Variants in LOC400499 observed in about 807,000 individuals in gnomAD.
chr16:11,504,807 C>A, the LOC400499 span, among the ~76,000 whole-genome samples: 1 of 152,070 alleles, frequency 6.6e-6, no homozygotes, highest in African/African-American at 2.4e-5. Context: ...CCTGTAATTC[C>A]AGCTATTCAA....
the LOC400499 span, among the ~76,000 whole-genome samples, chr16:11,510,091 C>T: frequency 1.3e-5 from 2 of 151,628 alleles, no homozygotes; most frequent in Admixed American, 1.3e-4. Context: ...GCAGAAACTG[C>T]CCTCTGCTCT....
chr16:11,466,905 C>T, the LOC400499 span, among the ~76,000 whole-genome samples: 6 of 150,094 alleles, frequency 4.0e-5, no homozygotes, highest in African/African-American at 1.2e-4. Flanking sequence ...CCAAGGTGTA[C>T]GTACGTATAT....
At chr16:11,490,421 C>A in the LOC400499 span, among the ~76,000 whole-genome samples, 3 of 146,870 alleles carry the variant, frequency 2.0e-5, no homozygotes, top group South Asian at 2.1e-4. Flanking sequence ...AAAAAAAGTC[C>A]GGGCGCAGTG....
At chr16:11,521,297 G>C in the LOC400499 span, among the ~76,000 whole-genome samples, 6 of 152,200 alleles carry the variant, frequency 3.9e-5, no homozygotes, top group African/African-American at 1.4e-4. Context: ...GGTTGAGAGG[G>C]TTTATCCAGG....
chr16:11,492,446 G>C, the LOC400499 span, among the ~76,000 whole-genome samples: 1 of 152,084 alleles, frequency 6.6e-6, no homozygotes, highest in African/African-American at 2.4e-5. Flanking sequence ...TGGTATCCTA[G>C]TGCAGGGAGA....
At chr16:11,470,370 C>T in the LOC400499 span, among the ~76,000 whole-genome samples, 1 of 152,180 alleles carries the variant, frequency 6.6e-6, no homozygotes, top group Non-Finnish European at 1.5e-5. Context: ...GCGAGTACCT[C>T]GTGCTCTGGG....
At chr16:11,384,679 A>AG in the LOC400499 span, among the ~76,000 whole-genome samples, 7 of 152,286 alleles carry the variant, frequency 4.6e-5, no homozygotes, top group Non-Finnish European at 8.8e-5. Flanking sequence ...TGGGACAGAA[A>AG]GCCCTGGGCC....
the LOC400499 span, chr16:11,387,193 C>T: frequency 1.2e-4 from 151 of 1,232,180 alleles, no homozygotes; most frequent in Non-Finnish European, 1.3e-4. Flanking sequence ...CTCGGAGCGG[C>T]CGCAGCAGCT....
At chr16:11,509,704 G>C in the LOC400499 span, among the ~76,000 whole-genome samples, 1 of 151,880 alleles carries the variant, frequency 6.6e-6, no homozygotes, top group Non-Finnish European at 1.5e-5. Context: ...GGTGGCAGGC[G>C]CCTGTAATCC....
chr16:11,378,181 C>T, the LOC400499 span, among the ~76,000 whole-genome samples: 3 of 151,688 alleles, frequency 2.0e-5, no homozygotes, highest in African/African-American at 4.8e-5. Flanking sequence ...AAGCAGTCTC[C>T]TGGCCTCGGC....
the LOC400499 span, chr16:11,462,350 G>A: frequency 2.1e-6 from 3 of 1,425,310 alleles, no homozygotes; most frequent in Non-Finnish European, 1.8e-6. Context: ...TGGCCAGCAG[G>A]CCCAGCCCTT....
chr16:11,455,697 T>C, the LOC400499 span, among the ~76,000 whole-genome samples: 1 of 145,086 alleles, frequency 6.9e-6, no homozygotes, highest in Non-Finnish European at 1.5e-5. Flanking sequence ...ATCGTGCCAC[T>C]GCACTCCAGC....
At chr16:11,437,020 G>A in the LOC400499 span, among the ~76,000 whole-genome samples, 1 of 152,142 alleles carries the variant, frequency 6.6e-6, no homozygotes, top group South Asian at 2.1e-4. Flanking sequence ...AAAAAGACAT[G>A]GAGGAAACTT....
chr16:11,419,640 A>T, the LOC400499 span, among the ~76,000 whole-genome samples: 6 of 152,234 alleles, frequency 3.9e-5, no homozygotes, highest in Admixed American at 3.9e-4. Context: ...ACGGCAAAAG[A>T]AACTACCATC....
At chr16:11,375,394 A>G in the LOC400499 span, among the ~76,000 whole-genome samples, 1 of 137,090 alleles carries the variant, frequency 7.3e-6, no homozygotes, top group Non-Finnish European at 1.5e-5. Flanking sequence ...GCTCACTGCA[A>G]CCTCTGCCTC....
chr16:11,472,359 A>C, the LOC400499 span: 1 of 151,940 alleles, frequency 6.6e-6, no homozygotes, highest in Non-Finnish European at 1.5e-5. Context: ...CGCCTGGCTA[A>C]TTTTTGTATT....
chr16:11,468,140 G>A, the LOC400499 span, among the ~76,000 whole-genome samples: 2 of 150,836 alleles, frequency 1.3e-5, no homozygotes, highest in East Asian at 3.9e-4. Context: ...AAAACACCTT[G>A]ATTTCAGACT....
the LOC400499 span, chr16:11,385,270 G>GC: frequency 8.1e-7 from 1 of 1,232,290 alleles, no homozygotes; most frequent in South Asian, 4.1e-5. Flanking sequence ...AGGGCTGTGA[G>GC]CCCCGAGCCT....
chr16:11,449,509 C>T, the LOC400499 span, among the ~76,000 whole-genome samples: 1 of 152,166 alleles, frequency 6.6e-6, no homozygotes, highest in South Asian at 2.1e-4. Flanking sequence ...TGTCATCTGG[C>T]TCGTTTCAGA....
Sources: gnomAD v4.1 joint callset for allele counts (sites outside exome capture counted in the v4.1 genomes callset) on GRCh38, gnomAD v4.1.1 for gene constraint, MANE v1.5 for transcripts.